Variants in CDH1 observed in about 807,000 individuals in gnomAD.
The protein encoded by CDH1 is cadherin 1, also known as cadherin-1.
In CDH1, 35 loss-of-function variants were observed where a neutral mutation model predicts 84.5. That is an observed-to-expected ratio of 0.41 (90% CI 0.32 to 0.55). The LOEUF (loss-of-function observed/expected upper bound fraction) is 0.55, where lower values mean the gene tolerates loss of function less well. Ranked by LOEUF, CDH1 falls within the 20% of genes least tolerant of loss-of-function variation. The pLI is 0.19. For missense variants in CDH1, 994 were observed against 1,126.6 expected, an observed-to-expected ratio of 0.88 and a Z score of 1.68; for synonymous variants, 417 against 439.0, an observed-to-expected ratio of 0.95 and a Z score of 0.63.
chr16:68,811,867 G>T lies in CDH1; in HGVS notation c.1008+8G>T, dbSNP rs990193541. 4 of 1,614,004 alleles carry T rather than the reference G, an allele frequency of 2.5e-6. No homozygotes were observed. The highest frequency in any genetic ancestry group is 3.4e-6 in the Non-Finnish European group (4 of 1,179,950). ...ACTGGGCTGGACCGAGAGGTCAGGG[G>T]TCAGGAGGATCCAGAGGGTGTGGAG... On this transcript the variant is annotated splice_region_variant and intron_variant, in intron 7 of 15. Transcript: ENST00000261769.
intron 8 of CDH1, 102 bp from the exon 9 acceptor site, chr16:68,813,211 C>G (rs760690208): frequency 3.3e-6 from 4 of 1,218,192 alleles, no homozygotes; most frequent in Non-Finnish European, 4.8e-6. Flanking sequence ...GAGATCTTAT[C>G]TCAAAAGAAC....
intron 2 of CDH1, among the ~76,000 whole-genome samples, chr16:68,786,524 T>TTTTTTTTTTG: frequency 7.3e-6 from 1 of 137,138 alleles, no homozygotes; most frequent in Non-Finnish European, 1.5e-5. Context: ...TGCTTTCTTT[T>TTTTTTTTTTG]TTTTTTTTTC....
intron 2 of CDH1, among the ~76,000 whole-genome samples, chr16:68,752,259 C>T (rs1372887315): frequency 2.0e-5 from 3 of 152,098 alleles, no homozygotes; most frequent in Non-Finnish European, 4.4e-5. Flanking sequence ...ATCTGGACCC[C>T]CTATTTATGA....
At chr16:68,782,576 C>T (rs188420567) in intron 2 of CDH1, among the ~76,000 whole-genome samples, 41 of 152,308 alleles carry the variant, frequency 2.7e-4, no homozygotes, top group Admixed American at 2.4e-3. Flanking sequence ...AAGCGCTGAC[C>T]GTTAGTGCTC....
intron 3 of CDH1, among the ~76,000 whole-genome samples, chr16:68,806,373 C>T (rs1007165389): frequency 2.0e-5 from 3 of 152,006 alleles, no homozygotes; most frequent in Admixed American, 6.6e-5. Context: ...TGATCCCAAA[C>T]TCCTGACCTC....
chr16:68,801,690 G>C lies in CDH1; in HGVS notation c.184G>C (p.Gly62Arg), dbSNP rs587781898. The C allele has an allele frequency of 6.2e-7, 1 of 1,613,898 alleles. No individual in the cohort carries two copies. The highest frequency in any genetic ancestry group is 1.1e-5 in the South Asian group (1 of 91,066). Residue 62 changes from glycine to arginine, a missense_variant, in exon 3 of 16, where the codon GGT becomes CGT. Coordinates refer to ENST00000261769, the MANE Select transcript of CDH1 (RefSeq NM_004360.5). ...TGCAGTGAATTTTGAAGATTGCACC[G>C]GTCGACAAAGGACAGCCTATTTTTC... ...LGRVNFEDCT[G>R]RQRTAYFSLD... is the part of the protein sequence containing the mutation.
intron 11 of CDH1, 85 bp downstream of exon 11, chr16:68,819,510 GTT>G: frequency 1.5e-6 from 2 of 1,375,836 alleles, no homozygotes; most frequent in African/African-American, 1.4e-5. Context: ...GGAGGGAAGA[GTT>G]CATTCTTTTT....
chr16:68,801,018 A>G (rs752635798), intron 2 of CDH1, among the ~76,000 whole-genome samples: 30 of 152,178 alleles, frequency 2.0e-4, no homozygotes, highest in Non-Finnish European at 5.9e-5. Context: ...ACCTATTTGA[A>G]TGAGTCCTTT....
chr16:68,767,254 G>A (rs1267384375), intron 2 of CDH1, among the ~76,000 whole-genome samples: 3 of 151,630 alleles, frequency 2.0e-5, no homozygotes, highest in African/African-American at 7.3e-5. Flanking sequence ...GAGTGCAGTG[G>A]CATGATCTCA....
intron 2 of CDH1, among the ~76,000 whole-genome samples, chr16:68,744,955 A>G (rs150045763): frequency 1.3e-5 from 2 of 152,290 alleles, no homozygotes; most frequent in Admixed American, 1.3e-4. Flanking sequence ...CAAACAGTGC[A>G]CTGCAAACAG....
At chr16:68,833,248 C>A (rs1244965638) in intron 15 of CDH1, 42 bp from the exon 16 acceptor site, 3 of 1,557,482 alleles carry the variant, frequency 1.9e-6, no homozygotes, top group Non-Finnish European at 2.7e-6. Flanking sequence ...ACAGGTGTGC[C>A]CTTCCTTTCA....
rs1318805721 is a variant in CDH1, at chr16:68,822,192, A to G, written c.1903A>G (p.Ser635Gly). 3 of 1,614,134 alleles carry G rather than the reference A, an allele frequency of 1.9e-6. No individual in the cohort carries two copies. Among genetic ancestry groups the G allele is most frequent in the Admixed American group, 1.7e-5 (1 of 60,016 alleles). Residue 635 changes from serine (S) to glycine (G), a missense_variant, in exon 12 of 16, where the codon AGT becomes GGT. Ser to Gly is a moderately conservative substitution (Grantham distance 56). Around this residue, in one of 3 missense-constraint regions of CDH1, gnomAD observed 769 missense variants for 881.8 expected, o/e 0.87. Transcript: ENST00000261769. ...CACAGCAGAACTAACACACGGGGCG[A>G]GTGCCAACTGGACCATTCAGTACAA... Reference protein sequence around the residue: ...PFTAELTHGASANWTIQYNDP... With the variant: ...PFTAELTHGAGANWTIQYNDP...
At position 68,737,301 on chromosome 16, in the gene CDH1, G is replaced by C; in HGVS notation, c.-115G>C. On this transcript the variant is annotated 5_prime_UTR_variant, in exon 1 of 16. Transcript: ENST00000261769. ...CCACGCACCCCCTCTCAGTGGCGTCGGAACTGCAAAGCACCTGTGAGCTTG... is the reference window on the plus strand; with the variant it reads ...CCACGCACCCCCTCTCAGTGGCGTCCGAACTGCAAAGCACCTGTGAGCTTG... The C allele has an allele frequency of 1.2e-6, 1 of 824,180 alleles. No homozygotes were observed. The highest frequency in any genetic ancestry group is 1.9e-6 in the Non-Finnish European group (1 of 534,068). The allele number at this position is 824,180 out of a possible 1,614,324, so 51.1% of individuals were successfully genotyped here.
chr16:68,737,663 G>A (rs1305014780), intron 1 of CDH1, among the ~76,000 whole-genome samples, 200 bp downstream of exon 1: 4 of 152,182 alleles, frequency 2.6e-5, no homozygotes, highest in African/African-American at 4.8e-5. Flanking sequence ...TGAGGGGCGA[G>A]CGCGGCTTTC....
At chr16:68,791,799 C>T (rs1035074039) in intron 2 of CDH1, among the ~76,000 whole-genome samples, 2 of 152,150 alleles carry the variant, frequency 1.3e-5, no homozygotes, top group African/African-American at 2.4e-5. Flanking sequence ...TTGTCCATTG[C>T]TGTATTTCTC....
chr16:68,789,110 A>T (rs985080965), intron 2 of CDH1, among the ~76,000 whole-genome samples: 43 of 152,148 alleles, frequency 2.8e-4, no homozygotes, highest in African/African-American at 9.9e-4. Flanking sequence ...TGCAGCCTTG[A>T]CGTCCCCAGC....
rs542521137 is a variant in CDH1, at chr16:68,750,034, A to C, written c.163+11623A>C. 5.3e-5 allele frequency among the ~76,000 whole-genome samples: 8 copies of C among 151,220 alleles called. No individual in the cohort carries two copies. In the South Asian group the frequency reaches 1.7e-3, roughly 32 times the overall value. On this transcript the variant is annotated intron_variant, in intron 2 of 15. Coordinates refer to ENST00000261769, the MANE Select transcript of CDH1 (RefSeq NM_004360.5). The stretch of plus-strand genomic sequence containing the variant: ...CCCAGGCTGGAGTGCAGTGGTTTGA[A>C]CTCCTGGGCTCAAGCAATCCTCCCA...
At chr16:68,776,588 C>T (rs76922952) in intron 2 of CDH1, among the ~76,000 whole-genome samples, 10,221 of 152,126 alleles carry the variant, frequency 0.067, 844 homozygotes, top group African/African-American at 0.2. Context: ...AGGCTAGTCT[C>T]GAGTTCCTGG....
chr16:68,795,374 A>C (rs990731104), intron 2 of CDH1, among the ~76,000 whole-genome samples: 1 of 152,110 alleles, frequency 6.6e-6, no homozygotes, highest in African/African-American at 2.4e-5. Flanking sequence ...GGGTCTTACT[A>C]TGTTGCCCAG....
Sources: allele counts gnomAD v4.1 joint callset (sites outside exome capture counted in the v4.1 genomes callset), GRCh38; gene constraint gnomAD v4.1.1; regional missense constraint gnomAD v4.1.1; transcripts MANE v1.5; gene names NCBI Gene and HGNC (gene_info 2026-07-23, HGNC 2026-07-21).